The following EYA3 variants were observed in gnomAD, a reference collection of about 807,000 sequenced individuals.
EYA3 encodes the protein EYA transcriptional coactivator and phosphatase 3.
Under a neutral mutation model 80.0 loss-of-function variants are expected in EYA3, and 39 were observed. The ratio of observed to expected loss-of-function variants is 0.49; its 90% CI spans 0.38 to 0.64. The LOEUF is 0.64. EYA3 is among the 30% of genes least tolerant of loss of function. The pLI is 0.00. For synonymous variants in EYA3, 206 were observed against 232.8 expected (o/e 0.88, Z 1.05); for missense variants, 523 against 676.1 (o/e 0.77, Z 2.51).
intron 7 of EYA3, among the ~76,000 whole-genome samples, chr1:28,020,939 C>A (rs72656597): frequency 0.26 from 39,387 of 151,888 alleles, 5,159 homozygotes; most frequent in Non-Finnish European, 0.28. Flanking sequence ...TTGAAAGACA[C>A]CACTTTTGAG....
At chr1:27,985,986 T>A (rs1639629299) in intron 16 of EYA3, among the ~76,000 whole-genome samples, 1 of 151,990 alleles carries the variant, frequency 6.6e-6, no homozygotes, top group Non-Finnish European at 1.5e-5. Context: ...AGGACTTAAA[T>A]CCTTGTCCTT....
At chr1:28,066,541 A>C (rs1224373140) in intron 1 of EYA3, among the ~76,000 whole-genome samples, 6 of 152,148 alleles carry the variant, frequency 3.9e-5, no homozygotes, top group Non-Finnish European at 7.4e-5. Flanking sequence ...CCACATCAAC[A>C]TATGCTGTAA....
chr1:28,038,454 A>AAAAAAAAAAAAAAAAAAAAAAAC (rs1643584096), intron 5 of EYA3, among the ~76,000 whole-genome samples: 1 of 150,900 alleles, frequency 6.6e-6, no homozygotes, highest in African/African-American at 2.4e-5. Flanking sequence ...AAAAAAAAAA[A>AAAAAAAAAAAAAAAAAAAAAAAC]AAAAAAAAAA....
chr1:28,087,849 C>T (rs1571998898), intron 1 of EYA3, among the ~76,000 whole-genome samples: 1 of 152,232 alleles, frequency 6.6e-6, no homozygotes, highest in Non-Finnish European at 1.5e-5. Context: ...AAGCGAAGAA[C>T]TAGGAACGCC....
At chr1:28,049,066 T>C (rs12130997) in intron 2 of EYA3, among the ~76,000 whole-genome samples, 34,473 of 152,182 alleles carry the variant, frequency 0.23, 4,109 homozygotes, top group Non-Finnish European at 0.27. Context: ...TGGTTAGAAC[T>C]GGTTGTAGTA....
chr1:28,016,076 A>C (rs931635369), intron 8 of EYA3, among the ~76,000 whole-genome samples: 2 of 152,200 alleles, frequency 1.3e-5, no homozygotes, highest in African/African-American at 4.8e-5. Flanking sequence ...GTGGTTAAAC[A>C]TCCCTGTGGA....
chr1:28,000,650 C>A (rs895108846), intron 11 of EYA3, among the ~76,000 whole-genome samples: 12 of 152,138 alleles, frequency 7.9e-5, no homozygotes, highest in African/African-American at 2.6e-4. Flanking sequence ...GCTGACCAGG[C>A]AAGGTAGCTA....
intron 2 of EYA3, among the ~76,000 whole-genome samples, chr1:28,050,765 G>A (rs1285315913): frequency 6.6e-6 from 1 of 152,086 alleles, no homozygotes; most frequent in African/African-American, 2.4e-5. Context: ...GCAGGGATAG[G>A]AAGCATGTAC....
intron 1 of EYA3, among the ~76,000 whole-genome samples, chr1:28,084,448 T>C (rs544343745): frequency 1.1e-4 from 17 of 150,062 alleles, no homozygotes; most frequent in Middle Eastern, 3.4e-3. Flanking sequence ...TTTAAGTTAA[T>C]TAGAAAACAG....
At chr1:28,023,019 A>G (rs1642545166) in intron 7 of EYA3, among the ~76,000 whole-genome samples, 5 of 151,788 alleles carry the variant, frequency 3.3e-5, no homozygotes, top group Non-Finnish European at 5.9e-5. Context: ...TAGGACTTGA[A>G]TAAGTAATAT....
intron 6 of EYA3, among the ~76,000 whole-genome samples, chr1:28,033,383 TTA>T (rs990578313): frequency 6.6e-6 from 1 of 152,126 alleles, no homozygotes; most frequent in Non-Finnish European, 1.5e-5. Context: ...ATCATTCACA[TTA>T]CCCCAACCAA....
At chr1:28,000,539 C>T (rs1169576718) in intron 11 of EYA3, among the ~76,000 whole-genome samples, 1 of 152,060 alleles carries the variant, frequency 6.6e-6, no homozygotes, top group Non-Finnish European at 1.5e-5. Context: ...GTCTTGATCT[C>T]CTAACCTTGT....
intron 14 of EYA3, 51 bp from the exon 15 acceptor site, chr1:27,989,862 G>A (rs754183600): frequency 8.2e-7 from 1 of 1,223,750 alleles, no homozygotes; most frequent in Non-Finnish European, 1.2e-6. Context: ...TATATTTGCT[G>A]ACAGTGAGAA....
Position 27,974,548 on chromosome 1 carries a change from T to C in EYA3, c.1642-2A>G. The C allele has an allele frequency of 6.2e-7, 1 of 1,611,694 alleles. No homozygotes were observed. The highest frequency in any genetic ancestry group is 8.5e-7 in the Non-Finnish European group (1 of 1,178,166). On this transcript the variant is annotated splice_acceptor_variant, in intron 17 of 17. Coordinates refer to ENST00000373871, the MANE Select transcript of EYA3 (RefSeq NM_001990.4). LOFTEE classifies it high-confidence loss of function. The stretch of plus-strand genomic sequence containing the variant: ...GATCCTCCAGAAAGGCATGTTGTGC[T>C]GGAAGAGAGTGGGAATAGCTGGTTA...
chr1:28,008,725 C>T (rs940235074), intron 10 of EYA3, among the ~76,000 whole-genome samples: 2 of 152,058 alleles, frequency 1.3e-5, no homozygotes, highest in African/African-American at 4.8e-5. Flanking sequence ...GGGTGGATCA[C>T]CTGAGGTCAG....
At chr1:28,076,547 C>G (rs190382807) in intron 1 of EYA3, among the ~76,000 whole-genome samples, 1 of 151,266 alleles carries the variant, frequency 6.6e-6, no homozygotes, top group Non-Finnish European at 1.5e-5. Flanking sequence ...TCTGTCTCTA[C>G]TAAAAATACA....
chr1:28,020,775 A>G (rs1193703883), intron 7 of EYA3, among the ~76,000 whole-genome samples: 3 of 152,030 alleles, frequency 2.0e-5, no homozygotes, highest in African/African-American at 7.3e-5. Context: ...TGAACTATGC[A>G]ACAAAAACTA....
Position 28,004,348 on chromosome 1 carries a change from C to T in EYA3, c.981G>A (p.Gln327=), listed in dbSNP as rs138195016. 3.1e-4 allele frequency: 493 copies of T among 1,601,652 alleles called. No homozygotes were observed. Among genetic ancestry groups the T allele is most frequent in the Non-Finnish European group, 3.8e-4 (440 of 1,171,280 alleles). ...AGACTCAAATTACCTTTCCATATTT[C>T]TGGGCATAGGATCCAGTAAGAAGTG... ...FHSLLTGSYA[Q]KYGKDPTVVI... is the part of the protein sequence containing the mutation. Residue 327 remains glutamine (Q), a synonymous_variant, in exon 11 of 18, where the codon CAG becomes CAA. Coordinates refer to ENST00000373871, the MANE Select transcript of EYA3 (RefSeq NM_001990.4).
At chr1:27,993,586 T>C in intron 13 of EYA3, 26 bp from the exon 14 acceptor site, 1 of 1,553,830 alleles carries the variant, frequency 6.4e-7, no homozygotes, top group Non-Finnish European at 8.6e-7. Flanking sequence ...ATAATAAAAA[T>C]TAAAATTTAT....
Sources: gnomAD v4.1 joint callset for allele counts (sites outside exome capture counted in the v4.1 genomes callset) on GRCh38, gnomAD v4.1.1 for gene constraint, MANE v1.5 for transcripts, NCBI Gene and HGNC (gene_info 2026-07-23, HGNC 2026-07-21) for gene names.